The following HDGFL3 variants were observed in gnomAD, a reference collection of about 807,000 sequenced individuals.
HDGFL3 encodes the protein hepatoma-derived growth factor-related protein 3.
A neutral mutation model predicts 27.6 loss-of-function variants in HDGFL3; 6 were observed. The ratio of observed to expected loss-of-function variants is 0.22; its 90% CI spans 0.12 to 0.43. HDGFL3 has a LOEUF of 0.43. HDGFL3 is among the 20% of genes least tolerant of loss of function. The pLI is 1.00. For synonymous variants in HDGFL3, 88 were observed against 88.9 expected, an observed-to-expected ratio of 0.99 and a Z score of 0.05; for missense variants, 207 against 250.1, an observed-to-expected ratio of 0.83 and a Z score of 1.16.
downstream of HDGFL3, chr15:83,126,824 C>T (rs749072178): frequency 6.2e-7 from 1 of 1,613,514 alleles, no homozygotes; most frequent in South Asian, 1.1e-5. Flanking sequence ...TCTAAAGGAT[C>T]CTGCTGCTTA....
At chr15:83,187,216 T>C (rs1289797390) in intron 1 of HDGFL3, among the ~76,000 whole-genome samples, 1 of 148,806 alleles carries the variant, frequency 6.7e-6, no homozygotes. Context: ...AAGTGGAGGC[T>C]TACCGCTAAA....
chr15:83,124,736 G>C, downstream of HDGFL3: 1 of 1,614,078 alleles, frequency 6.2e-7, no homozygotes, highest in Non-Finnish European at 8.5e-7. Flanking sequence ...TTGGTTGTGT[G>C]TCTCCTCCTG....
At chr15:83,196,933 C>T (rs2037577125) in intron 1 of HDGFL3, among the ~76,000 whole-genome samples, 1 of 152,198 alleles carries the variant, frequency 6.6e-6, no homozygotes, top group African/African-American at 2.4e-5. Context: ...AATGTATCTA[C>T]TAACATCTGA....
chr15:83,139,352 A>G, intron 5 of HDGFL3, 77 bp from the exon 6 acceptor site: 1 of 844,512 alleles, frequency 1.2e-6, no homozygotes, highest in Non-Finnish European at 1.7e-6. Flanking sequence ...ATCCACACCT[A>G]GATAGTACAT....
At chr15:83,197,390 G>C (rs529570703) in intron 1 of HDGFL3, among the ~76,000 whole-genome samples, 1 of 152,232 alleles carries the variant, frequency 6.6e-6, no homozygotes, top group Admixed American at 6.5e-5. Flanking sequence ...TTTCAGAAAT[G>C]TTTCTTTTAA....
intron 1 of HDGFL3, among the ~76,000 whole-genome samples, chr15:83,176,952 C>T (rs1431648903): frequency 1.6e-5 from 1 of 62,736 alleles, no homozygotes; most frequent in East Asian, 2.5e-4. Flanking sequence ...GAGTCTTGCT[C>T]TGTCACCCAG....
intron 5 of HDGFL3, among the ~76,000 whole-genome samples, chr15:83,146,031 C>T (rs1234975211): frequency 2.7e-5 from 4 of 150,888 alleles, no homozygotes; most frequent in African/African-American, 9.8e-5. Context: ...ATGCCTCAGC[C>T]TCCCGAGTAC....
intron 5 of HDGFL3, among the ~76,000 whole-genome samples, chr15:83,142,317 A>G (rs2036788608): frequency 6.6e-6 from 1 of 152,256 alleles, no homozygotes; most frequent in African/African-American, 2.4e-5. Flanking sequence ...AATGTGGTAC[A>G]TATATACCAT....
chr15:83,178,801 T>C (rs990022833), intron 1 of HDGFL3, among the ~76,000 whole-genome samples: 3 of 152,260 alleles, frequency 2.0e-5, no homozygotes, highest in Admixed American at 1.3e-4. Context: ...CAGATGTCTA[T>C]GCTCCTACGT....
At chr15:83,153,211 AG>A (rs2036986310) in intron 4 of HDGFL3, among the ~76,000 whole-genome samples, 1 of 151,930 alleles carries the variant, frequency 6.6e-6, no homozygotes, top group South Asian at 2.1e-4. Context: ...TGTGTTAGCC[AG>A]GATGGTCTCG....
At chr15:83,114,517 A>ATGGCC (rs1312543785) in exon 4 of HDGFL3, 1 of 152,418 alleles carries the variant, frequency 6.6e-6, no homozygotes, top group East Asian at 1.9e-4. Context: ...GAACTGGGCC[A>ATGGCC]AAGGCCCCCA....
intron 4 of HDGFL3, among the ~76,000 whole-genome samples, chr15:83,154,481 A>C (rs2037004308): frequency 6.6e-6 from 1 of 152,186 alleles, no homozygotes; most frequent in African/African-American, 2.4e-5. Context: ...CCTCACCTGG[A>C]AATTTGATTC....
At position 83,144,700 on chromosome 15, in the gene HDGFL3, T is replaced by A. The variant is rs570938302; in HGVS notation, c.607-5425A>T. Reference sequence around the variant, plus strand: ...AGAGGATCCATCCCCAGTTGAGCCTTAAGATGATCTGAGTTCCTGCTGACA... The same window carrying A: ...AGAGGATCCATCCCCAGTTGAGCCTAAAGATGATCTGAGTTCCTGCTGACA... On this transcript the variant is annotated intron_variant, in intron 5 of 5. Transcript: ENST00000299633. 8.4e-6 allele frequency: 3 copies of A among 359,068 alleles called. No individual in the cohort carries two copies. In the Admixed American group the frequency reaches 1.1e-4, roughly 13 times the overall value. The allele number at this position is 359,068 out of a possible 1,614,324, so 22.2% of individuals were successfully genotyped here.
At chr15:83,204,668 G>T (rs2037695239) in intron 1 of HDGFL3, among the ~76,000 whole-genome samples, 1 of 152,180 alleles carries the variant, frequency 6.6e-6, no homozygotes, top group Admixed American at 6.5e-5. Flanking sequence ...TGATACAAAG[G>T]AAAGTTAGAA....
At chr15:83,197,887 T>C (rs1041861206) in intron 1 of HDGFL3, among the ~76,000 whole-genome samples, 10 of 150,872 alleles carry the variant, frequency 6.6e-5, no homozygotes, top group African/African-American at 2.2e-4. Flanking sequence ...TCTAAAAAAT[T>C]AGCCGGGTGT....
At chr15:83,144,324 C>A (rs933431532) in intron 5 of HDGFL3, among the ~76,000 whole-genome samples, 2 of 152,202 alleles carry the variant, frequency 1.3e-5, no homozygotes, top group East Asian at 3.8e-4. Context: ...TCCAATGATT[C>A]CTGCCTCCGG....
At chr15:83,163,130 T>C (rs984776669) in intron 2 of HDGFL3, among the ~76,000 whole-genome samples, 50 of 152,322 alleles carry the variant, frequency 3.3e-4, no homozygotes, top group African/African-American at 1.2e-3. Flanking sequence ...ACACTTAATG[T>C]CGATAGGTTT....
At chr15:83,206,696 C>T (rs889301283) in intron 1 of HDGFL3, among the ~76,000 whole-genome samples, 1 of 152,190 alleles carries the variant, frequency 6.6e-6, no homozygotes, top group African/African-American at 2.4e-5. Context: ...TGCAAGCTCT[C>T]GGCTATCAGA....
intron 1 of HDGFL3, among the ~76,000 whole-genome samples, chr15:83,170,523 A>G (rs564841735): frequency 2.0e-5 from 3 of 152,370 alleles, no homozygotes; most frequent in African/African-American, 7.2e-5. Flanking sequence ...CAAATGCAGA[A>G]GAATGAAACT....
Sources: gnomAD v4.1 joint callset for allele counts (sites outside exome capture counted in the v4.1 genomes callset) on GRCh38, gnomAD v4.1.1 for gene constraint, MANE v1.5 for transcripts, NCBI Gene and HGNC (gene_info 2026-07-23, HGNC 2026-07-21) for gene names.